The following PPFIA2 variants were observed in gnomAD, a reference collection of about 807,000 sequenced individuals.
PPFIA2 encodes the protein liprin-alpha-2.
Under a neutral mutation model 175.5 loss-of-function variants are expected in PPFIA2, and 46 were observed. The ratio of observed to expected loss-of-function variants is 0.26; its 90% CI spans 0.21 to 0.34. The LOEUF is 0.34. Ranked by LOEUF, PPFIA2 falls within the 10% of genes least tolerant of loss-of-function variation. The pLI is 1.00. For synonymous variants in PPFIA2, 568 were observed against 511.4 expected (o/e 1.11, Z -1.49); for missense variants, 1,179 against 1,506.1 (o/e 0.78, Z 3.60).
At chr12:81,424,910 A>T (rs2046880173) in intron 7 of PPFIA2, 1 of 152,188 alleles carries the variant, frequency 6.6e-6, no homozygotes. Context: ...AATTCCATGG[A>T]TAGATACAAA....
intron 22 of PPFIA2, among the ~76,000 whole-genome samples, chr12:81,317,626 T>G (rs773825274): frequency 6.6e-6 from 1 of 151,628 alleles, no homozygotes. Flanking sequence ...TCAGGTTTGG[T>G]CACCTGGGTA....
chr12:81,732,513 T>TAAA (rs60761301), intron 3 of PPFIA2, among the ~76,000 whole-genome samples: 2 of 133,990 alleles, frequency 1.5e-5, no homozygotes, highest in Non-Finnish European at 3.2e-5. Flanking sequence ...TGTTTTTTTT[T>TAAA]AAAAAAAAAA....
At chr12:81,685,563 G>A (rs1256232834) in intron 3 of PPFIA2, among the ~76,000 whole-genome samples, 1 of 151,970 alleles carries the variant, frequency 6.6e-6, no homozygotes, top group Non-Finnish European at 1.5e-5. Flanking sequence ...CTCTTCATGG[G>A]AGGACACAAT....
chr12:81,273,324 C>T (rs959004633), intron 28 of PPFIA2, among the ~76,000 whole-genome samples: 3 of 152,002 alleles, frequency 2.0e-5, no homozygotes, highest in South Asian at 2.1e-4. Flanking sequence ...TCCCCACCAC[C>T]ACCCCACTCC....
chr12:81,416,241 A>C lies in PPFIA2; in HGVS notation c.646-10338T>G, dbSNP rs184999989. Among the ~76,000 whole-genome samples the C allele has an allele frequency of 9.4e-3, 1,434 of 151,780 alleles. 17 individuals carry two copies. The highest frequency in any genetic ancestry group is 0.033 in the African/African-American group (1,378 of 41,506). On this transcript the variant is annotated intron_variant, in intron 7 of 32. Coordinates refer to ENST00000549396, the MANE Select transcript of PPFIA2 (RefSeq NM_003625.5). ...AACACCAATTTCTAAACAGTTTTTC[A>C]AAAGTGTTAGTGGTAGGAAAACACA...
At chr12:81,444,624 C>T (rs974758699) in intron 6 of PPFIA2, among the ~76,000 whole-genome samples, 3 of 152,048 alleles carry the variant, frequency 2.0e-5, no homozygotes, top group African/African-American at 7.2e-5. Flanking sequence ...CTTACATACA[C>T]ACTCCACATA....
rs114204111 is a variant in PPFIA2 at position 81,618,979 on chromosome 12, T to C, written c.303+57812A>G. On this transcript the variant is annotated intron_variant, in intron 4 of 32. Transcript: ENST00000549396. ...ATACAATTCAAAGGACAAACAGTTA[T>C]TTTTTAAAGTCATTCTTAATTATTA... is the stretch of plus-strand genomic sequence containing the variant. 4.5e-3 allele frequency among the ~76,000 whole-genome samples: 680 copies of C among 152,352 alleles called. 4 individuals are homozygous for C. The highest frequency in any genetic ancestry group is 0.015 in the African/African-American group (636 of 41,586).
At chr12:81,466,052 C>T (rs1194716205) in intron 4 of PPFIA2, among the ~76,000 whole-genome samples, 2 of 152,128 alleles carry the variant, frequency 1.3e-5, no homozygotes, top group Non-Finnish European at 1.5e-5. Context: ...ACAGTAATGT[C>T]TCACGGTCAG....
At chr12:81,603,750 T>C (rs960355076) in intron 4 of PPFIA2, among the ~76,000 whole-genome samples, 5 of 150,266 alleles carry the variant, frequency 3.3e-5, no homozygotes, top group Non-Finnish European at 7.4e-5. Context: ...GGGTAATATA[T>C]TGATTTTACA....
intron 4 of PPFIA2, among the ~76,000 whole-genome samples, chr12:81,540,892 T>A (rs2153340113): frequency 6.6e-6 from 1 of 152,132 alleles, no homozygotes; most frequent in African/African-American, 2.4e-5. Flanking sequence ...TAGATCTCTC[T>A]TTAGGAAGAC....
chr12:81,344,317 C>T (rs1031869208), intron 19 of PPFIA2, among the ~76,000 whole-genome samples: 48 of 150,260 alleles, frequency 3.2e-4, no homozygotes, highest in South Asian at 6.3e-4. Flanking sequence ...TTGAAAACAA[C>T]GAGCATTATT....
intron 17 of PPFIA2, among the ~76,000 whole-genome samples, chr12:81,348,988 C>A (rs754528422): frequency 5.3e-5 from 8 of 152,010 alleles, no homozygotes; most frequent in Non-Finnish European, 1.0e-4. Context: ...TCAAAGTTTT[C>A]TTTTTACATA....
At chr12:81,418,574 G>C (rs570060840) in intron 7 of PPFIA2, among the ~76,000 whole-genome samples, 1 of 151,916 alleles carries the variant, frequency 6.6e-6, no homozygotes, top group Admixed American at 6.6e-5. Context: ...GTCTATGATT[G>C]TTTTCACTCC....
At chr12:81,572,644 C>G (rs7301025) in intron 4 of PPFIA2, among the ~76,000 whole-genome samples, 4 of 151,876 alleles carry the variant, frequency 2.6e-5, no homozygotes, top group Non-Finnish European at 5.9e-5. Context: ...TAAATAGAAC[C>G]TGCAGCAACC....
intron 6 of PPFIA2, among the ~76,000 whole-genome samples, chr12:81,443,477 C>T (rs2145168549): frequency 6.6e-6 from 1 of 151,266 alleles, no homozygotes; most frequent in Non-Finnish European, 1.5e-5. Context: ...TTATGCTAAA[C>T]CCACTGAACT....
At chr12:81,617,649 C>T (rs560613317) in intron 4 of PPFIA2, among the ~76,000 whole-genome samples, 33 of 152,322 alleles carry the variant, frequency 2.2e-4, no homozygotes, top group Non-Finnish European at 4.0e-4. Flanking sequence ...ATATATGGCC[C>T]TGGTCCTCTC....
chr12:81,728,038 T>C (rs2153636717), intron 3 of PPFIA2, among the ~76,000 whole-genome samples: 1 of 151,562 alleles, frequency 6.6e-6, no homozygotes, highest in Middle Eastern at 3.4e-3. Flanking sequence ...ATTAGGAACA[T>C]AATAAAATGT....
At position 81,375,941 on chromosome 12, in the gene PPFIA2, G is replaced by A; in HGVS notation, c.986C>T (p.Ala329Val). ...TTCCATATCTTCCTTTTGTGCCATGGCCTACAATTAAAATAATTTAGAAAA... is the reference window on the plus strand; with the variant it reads ...TTCCATATCTTCCTTTTGTGCCATGACCTACAATTAAAATAATTTAGAAAA... ...NTKYQRDIRE[A>V]MAQKEDMEER... Residue 329 changes from alanine to valine, a missense_variant and splice_region_variant, in exon 10 of 33, where the codon GCC becomes GTC. Ala to Val is a moderately conservative substitution (Grantham distance 64). Transcript: ENST00000549396. The A allele has an allele frequency of 6.2e-7, 1 of 1,609,536 alleles. No individual in the cohort carries two copies. The highest frequency in any genetic ancestry group is 8.5e-7 in the Non-Finnish European group (1 of 1,178,042).
intron 4 of PPFIA2, among the ~76,000 whole-genome samples, chr12:81,556,238 A>G (rs1002734259): frequency 6.6e-6 from 1 of 151,994 alleles, no homozygotes; most frequent in African/African-American, 2.4e-5. Context: ...TGGTAGCCTA[A>G]TAATATTCCT....
Sources: allele counts gnomAD v4.1 joint callset (sites outside exome capture counted in the v4.1 genomes callset), GRCh38; gene constraint gnomAD v4.1.1; transcripts MANE v1.5; gene names NCBI Gene and HGNC (gene_info 2026-07-23, HGNC 2026-07-21).